Variants in SLC16A10 observed in about 807,000 individuals in gnomAD.
SLC16A10 encodes the protein monocarboxylate transporter 10.
Under a neutral mutation model 40.0 loss-of-function variants are expected in SLC16A10, and 27 were observed. The ratio of observed to expected loss-of-function variants is 0.67; its 90% CI spans 0.50 to 0.93. The LOEUF is 0.93. Among genes scored for constraint, SLC16A10 ranks in the 40% least tolerant of loss-of-function variants. SLC16A10 has a pLI of 0.00. For missense variants in SLC16A10, 529 were observed against 658.2 expected, an observed-to-expected ratio of 0.80 and a Z score of 2.15; for synonymous variants, 213 against 249.8, an observed-to-expected ratio of 0.85 and a Z score of 1.39.
intron 4 of SLC16A10, among the ~76,000 whole-genome samples, chr6:111,208,135 ATTTTTGTT>A (rs1241582598): frequency 7.9e-5 from 12 of 151,952 alleles, no homozygotes; most frequent in Admixed American, 7.9e-4. Context: ...TGCCTGGCTA[ATTTTTGTT>A]TTTTTGTTTT....
chr6:111,128,703 A>T (rs1201747967), intron 1 of SLC16A10, among the ~76,000 whole-genome samples: 1 of 152,100 alleles, frequency 6.6e-6, no homozygotes, highest in African/African-American at 2.4e-5. Flanking sequence ...CTTATAGAAG[A>T]TGGAAGGGGG....
rs148664248 is a variant in SLC16A10 at position 111,137,809 on chromosome 6, G to C, written c.344-34886G>C. 8.2e-3 allele frequency among the ~76,000 whole-genome samples: 1,255 copies of C among 152,322 alleles called. 26 individuals are homozygous for C. Among genetic ancestry groups the C allele is most frequent in the African/African-American group, 0.029 (1,193 of 41,554 alleles). ...AGAATCCCTAAGCCTAGCTGGGAAG[G>C]TGACTGCATCCACCTTTAAACACGG... On this transcript the variant is annotated intron_variant, in intron 1 of 5. Coordinates refer to ENST00000368851, the MANE Select transcript of SLC16A10 (RefSeq NM_018593.5).
At chr6:111,180,913 G>C (rs913952277) in intron 3 of SLC16A10, among the ~76,000 whole-genome samples, 4 of 152,098 alleles carry the variant, frequency 2.6e-5, no homozygotes, top group African/African-American at 9.7e-5. Context: ...TTGTATAGTG[G>C]TTTAAAAGTG....
intron 3 of SLC16A10, among the ~76,000 whole-genome samples, chr6:111,188,815 T>C (rs1049304295): frequency 1.3e-5 from 2 of 152,210 alleles, no homozygotes; most frequent in Non-Finnish European, 2.9e-5. Context: ...CACATATACA[T>C]TTTATGATTC....
chr6:111,144,369 A>C (rs1772039159), intron 1 of SLC16A10, among the ~76,000 whole-genome samples: 1 of 151,982 alleles, frequency 6.6e-6, no homozygotes, highest in Non-Finnish European at 1.5e-5. Context: ...ATGCCCGGCT[A>C]ATTTTTTGTA....
intron 1 of SLC16A10, among the ~76,000 whole-genome samples, chr6:111,170,916 T>C (rs241768): frequency 0.66 from 99,738 of 151,950 alleles, 33,034 homozygotes; most frequent in South Asian, 0.76. Flanking sequence ...GGTGGGCCGA[T>C]CACTTAAGCC....
intron 1 of SLC16A10, among the ~76,000 whole-genome samples, chr6:111,126,594 A>G (rs1424297397): frequency 1.3e-5 from 2 of 152,170 alleles, no homozygotes; most frequent in East Asian, 1.9e-4. Flanking sequence ...GAGGCAGTCC[A>G]TGACTTTTAG....
chr6:111,143,847 G>A (rs574234988), intron 1 of SLC16A10, among the ~76,000 whole-genome samples: 3 of 152,198 alleles, frequency 2.0e-5, no homozygotes, highest in Admixed American at 2.0e-4. Context: ...TTTGGGGCTG[G>A]GCATGGTGAC....
chr6:111,092,014 C>T (rs947946712), intron 1 of SLC16A10, among the ~76,000 whole-genome samples: 2 of 152,022 alleles, frequency 1.3e-5, no homozygotes, highest in African/African-American at 2.4e-5. Context: ...TAACAGGACT[C>T]AGTTTTACTA....
chr6:111,140,440 G>A (rs945582895), intron 1 of SLC16A10, among the ~76,000 whole-genome samples: 6 of 151,800 alleles, frequency 4.0e-5, no homozygotes, highest in African/African-American at 1.2e-4. Flanking sequence ...TCCAGCCTGG[G>A]CGACACAGCA....
chr6:111,130,245 C>A (rs919720514), intron 1 of SLC16A10, among the ~76,000 whole-genome samples: 1 of 152,130 alleles, frequency 6.6e-6, no homozygotes, highest in Admixed American at 6.5e-5. Flanking sequence ...AAACGAAATC[C>A]CATCACAGTG....
intron 3 of SLC16A10, among the ~76,000 whole-genome samples, chr6:111,195,877 C>T (rs1203873313): frequency 1.3e-5 from 2 of 152,132 alleles, no homozygotes; most frequent in Non-Finnish European, 2.9e-5. Flanking sequence ...TCCTTTTCCT[C>T]CTGAACACTG....
chr6:111,153,635 G>C (rs1366441384), intron 1 of SLC16A10, among the ~76,000 whole-genome samples: 1 of 152,148 alleles, frequency 6.6e-6, no homozygotes, highest in Non-Finnish European at 1.5e-5. Flanking sequence ...GTAAGGCTGG[G>C]GTATGAATCT....
chr6:111,116,283 TCTCG>T (rs1172611089), intron 1 of SLC16A10, among the ~76,000 whole-genome samples: 1 of 152,112 alleles, frequency 6.6e-6, no homozygotes, highest in Non-Finnish European at 1.5e-5. Flanking sequence ...AGTGGCGCAA[TCTCG>T]GCTCACTGAA....
At chr6:111,127,291 G>A (rs553467002) in intron 1 of SLC16A10, among the ~76,000 whole-genome samples, 2 of 152,328 alleles carry the variant, frequency 1.3e-5, no homozygotes, top group African/African-American at 2.4e-5. Context: ...CCTATCACAC[G>A]AAGTGGTATT....
At chr6:111,093,574 A>C (rs750858012) in intron 1 of SLC16A10, among the ~76,000 whole-genome samples, 4 of 152,254 alleles carry the variant, frequency 2.6e-5, no homozygotes, top group Non-Finnish European at 5.9e-5. Context: ...TTTTGGCTAT[A>C]GTTCAGAAAT....
At chr6:111,155,786 GA>G (rs895531864) in intron 1 of SLC16A10, among the ~76,000 whole-genome samples, 47 of 152,334 alleles carry the variant, frequency 3.1e-4, no homozygotes, top group African/African-American at 1.1e-3. Context: ...GCTATGCATA[GA>G]TAGGTTGGTA....
chr6:111,122,848 T>C (rs1444676462), intron 1 of SLC16A10, among the ~76,000 whole-genome samples: 1 of 152,212 alleles, frequency 6.6e-6, no homozygotes, highest in Non-Finnish European at 1.5e-5. Context: ...CTTTTCTGCA[T>C]GGTTGGAGTT....
chr6:111,147,145 T>C (rs1035330149), intron 1 of SLC16A10, among the ~76,000 whole-genome samples: 1 of 152,220 alleles, frequency 6.6e-6, no homozygotes, highest in African/African-American at 2.4e-5. Context: ...TGTACAACTT[T>C]GTGAATATAC....
Sources: gnomAD v4.1 joint callset for allele counts (sites outside exome capture counted in the v4.1 genomes callset) on GRCh38, gnomAD v4.1.1 for gene constraint, MANE v1.5 for transcripts, NCBI Gene and HGNC (gene_info 2026-07-23, HGNC 2026-07-21) for gene names.